MICAL1: variants seen among roughly 807,000 people sequenced by gnomAD.
MICAL1 encodes microtubule associated monooxygenase, calponin and LIM domain containing 1.
MICAL1 carries 95 observed loss-of-function variants against 131.8 expected under a neutral mutation model. The ratio of observed to expected loss-of-function variants is 0.72; its 90% CI spans 0.61 to 0.86. MICAL1 has a LOEUF of 0.86. Among genes scored for constraint, MICAL1 ranks in the 40% least tolerant of loss-of-function variants. The pLI, the probability that MICAL1 is intolerant of heterozygous loss-of-function variation, is 0.00. For missense variants in MICAL1, 1,292 were observed against 1,380.6 expected, an observed-to-expected ratio of 0.94 and a Z score of 1.02; for synonymous variants, 546 against 554.2, an observed-to-expected ratio of 0.99 and a Z score of 0.21.
chr6:109,458,971 T>C (rs9487113), upstream of MICAL1, among the ~76,000 whole-genome samples: 2,753 of 152,060 alleles, frequency 0.018, 94 homozygotes, highest in African/African-American at 0.064. Flanking sequence ...TTGATTGAGG[T>C]TAGAGGACAG....
Position 109,448,391 on chromosome 6 carries a change from T to C in MICAL1, c.1667A>G (p.Glu556Gly). Residue 556 changes from glutamate (E) to glycine (G), a missense_variant and splice_region_variant, in exon 13 of 25, where the codon GAA (glutamate) becomes GGA (glycine). Physicochemically the swap from Glu to Gly is moderately conservative, Grantham distance 98. Coordinates refer to ENST00000358807, the MANE Select transcript of MICAL1 (RefSeq NM_022765.4). ...LVYRLQPGLL[E>G]PSELQGLGAL... ...TCCCAGCCCCTGCAGCTCTGAGGGT[T>C]CCCTGTGGGATGTCAGGGAGAAAAG... is the stretch of plus-strand genomic sequence containing the variant. 4 of 1,613,238 alleles carry C rather than the reference T, an allele frequency of 2.5e-6. No homozygotes were observed. Among genetic ancestry groups the C allele is most frequent in the Non-Finnish European group, 3.4e-6 (4 of 1,179,988 alleles).
Position 109,455,677 on chromosome 6 carries a change from C to T in MICAL1, c.-44+42G>A. 1.0e-6 allele frequency: 1 copy of T among 984,942 alleles called. No homozygotes were observed. 61.0% of individuals were successfully genotyped at this position (984,942 alleles called of 1,614,324 possible). On this transcript the variant is annotated intron_variant, in intron 1 of 24. Transcript: ENST00000358807. This position sits in a 1 kb window ranked among gnomAD's most constrained non-coding sequence, Gnocchi z 4.7. ...CGGAAGCGCACCCCACCTCACCCCA[C>T]CCGGCCGCGGGGCTCGCAGCCGGCT... is the stretch of plus-strand genomic sequence containing the variant.
At chr6:109,459,999 G>T (rs990656677), upstream of MICAL1, among the ~76,000 whole-genome samples, 4 of 152,096 alleles carry the variant, frequency 2.6e-5, no homozygotes, top group African/African-American at 2.4e-5. Flanking sequence ...ACATATTATG[G>T]ATATTATGAA....
chr6:109,445,030 G>A, intron 22 of MICAL1, 35 bp from the exon 23 acceptor site: 1 of 1,607,650 alleles, frequency 6.2e-7, no homozygotes, highest in Non-Finnish European at 8.5e-7. Context: ...GTGATCAGGA[G>A]GCTTCCAGCC....
At chr6:109,444,596 T>A in intron 24 of MICAL1, 129 bp downstream of exon 24, 1 of 1,213,292 alleles carries the variant, frequency 8.2e-7, no homozygotes, top group Non-Finnish European at 1.2e-6. Context: ...CCCCCTCCTC[T>A]GGCTTCCTCC....
Position 109,446,189 on chromosome 6 carries a change from T to C in MICAL1, c.2528A>G (p.His843Arg), listed in dbSNP as rs1775206708. The C allele has an allele frequency of 6.3e-7, 1 of 1,587,752 alleles. No individual in the cohort carries two copies. Among genetic ancestry groups the C allele is most frequent in the African/African-American group, 1.4e-5 (1 of 73,572 alleles). The change falls in exon 19 of 25, where the codon CAC becomes CGC. Residue 843 changes from histidine (H) to arginine (R), a missense_variant. Coordinates refer to ENST00000358807, the MANE Select transcript of MICAL1 (RefSeq NM_022765.4). ...GCCCACAAAGCTGCTCTCCAGGGCG[T>C]GGCGGGCCAAGGCGGAGCAGCTGCG... ...PPRSCSALAR[H>R]ALESSFVGWG... is the part of the protein sequence containing the mutation.
At chr6:109,460,425 T>TAAA (rs941046868), upstream of MICAL1, among the ~76,000 whole-genome samples, 31 of 88,330 alleles carry the variant, frequency 3.5e-4, no homozygotes, top group African/African-American at 1.1e-3. Flanking sequence ...AGACCCTACG[T>TAAA]AAAAAAAAAA....
At chr6:109,465,628 T>C (rs1776015215) in intron 1 of MICAL1, 1 of 1,537,882 alleles carries the variant, frequency 6.5e-7, no homozygotes. Flanking sequence ...ATGAAAACCA[T>C]TCAATAATAT....
intron 1 of MICAL1, among the ~76,000 whole-genome samples, chr6:109,461,868 C>T (rs987980015): frequency 6.6e-6 from 1 of 152,152 alleles, no homozygotes; most frequent in Non-Finnish European, 1.5e-5. Flanking sequence ...CTACCACTTA[C>T]TGTATGACAT....
Position 109,447,711 on chromosome 6 carries a change from C to G in MICAL1, c.1956G>C (p.Glu652Asp). 2 of 1,614,110 alleles carry G rather than the reference C, an allele frequency of 1.2e-6. No homozygotes were observed. The highest frequency in any genetic ancestry group is 1.7e-6 in the Non-Finnish European group (2 of 1,179,996). The stretch of plus-strand genomic sequence containing the variant: ...AGCGCAGCTTCTTGCCACCAGCATC[C>G]TCTGCATTTTCCTGCAATAAGTCCT... ...LQRSRAKENA[E>D]DAGGKKLRLE... The change falls in exon 15 of 25, where the codon GAG (glutamate) becomes GAC (aspartate). Residue 652 changes from glutamate (E) to aspartate (D), a missense_variant. Transcript: ENST00000358807.
chr6:109,459,608 C>G (rs991482585), upstream of MICAL1, among the ~76,000 whole-genome samples: 23 of 152,094 alleles, frequency 1.5e-4, no homozygotes, highest in African/African-American at 5.3e-4. Context: ...TACTCAATAC[C>G]TTCCCCAGAA....
chr6:109,453,652 G>A lies in MICAL1; in HGVS notation c.452C>T (p.Thr151Ile), dbSNP rs887334917. 3 of 1,605,370 alleles carry A rather than the reference G, an allele frequency of 1.9e-6. No individual in the cohort carries two copies. Among genetic ancestry groups the A allele is most frequent in the African/African-American group, 2.7e-5 (2 of 74,744 alleles). The stretch of plus-strand genomic sequence containing the variant: ...GTGGTGCTCACTGATGTGGTCCAGG[G>A]TGCCGGTGCAGAAGCGCCCGTAGAA... Reference protein sequence around the residue: ...KKFYGRFCTGTLDHISIRQLQ... With the variant: ...KKFYGRFCTGILDHISIRQLQ... The change falls in exon 3 of 25, where the codon ACC (threonine) becomes ATC (isoleucine). Residue 151 changes from threonine to isoleucine, a missense_variant. Thr to Ile is a moderately conservative substitution (Grantham distance 89). Coordinates refer to ENST00000358807, the MANE Select transcript of MICAL1 (RefSeq NM_022765.4).
chr6:109,444,298 C>T lies in MICAL1; in HGVS notation c.3097G>A (p.Val1033Ile), dbSNP rs1474192429. ...TAADRQAEDQ[V>I]LRKLVDLVNQ... ...ACCAAATCCACCAGCTTCCTCAGGA[C>T]CTGGTCCTCAGCCTGCCGATCAGCA... Residue 1033 changes from valine to isoleucine, a missense_variant, in exon 25 of 25, where the codon GTC becomes ATC. Val to Ile is a conservative substitution (Grantham distance 29). Transcript: ENST00000358807. 3 of 1,613,386 alleles carry T rather than the reference C, an allele frequency of 1.9e-6. No individual in the cohort carries two copies. The highest frequency in any genetic ancestry group is 1.7e-6 in the Non-Finnish European group (2 of 1,180,046).
upstream of MICAL1, among the ~76,000 whole-genome samples, chr6:109,459,138 T>C (rs78715951): frequency 2.0e-5 from 3 of 152,160 alleles, no homozygotes; most frequent in Non-Finnish European, 2.9e-5. Context: ...CAAGAGGAAG[T>C]TGGAGATTTT....
At position 109,448,938 on chromosome 6, in the gene MICAL1, G is replaced by A. The variant is rs1465173503; in HGVS notation, c.1517-59C>T. 4 of 1,596,310 alleles carry A rather than the reference G, an allele frequency of 2.5e-6. No individual in the cohort carries two copies. In the East Asian group the frequency reaches 6.7e-5, roughly 27 times the overall value. Reference sequence around the variant, plus strand: ...CCTCTGCCCATCCCAGGCATATAGGGAGCCCAGCTGCTGCATGTGGGGGTT... The same window carrying A: ...CCTCTGCCCATCCCAGGCATATAGGAAGCCCAGCTGCTGCATGTGGGGGTT... On this transcript the variant is annotated intron_variant, in intron 11 of 24. Transcript: ENST00000358807.
upstream of MICAL1, among the ~76,000 whole-genome samples, chr6:109,460,437 A>AG (rs1400793669): frequency 6.6e-6 from 1 of 151,702 alleles, no homozygotes; most frequent in East Asian, 1.9e-4. Flanking sequence ...AAAAAAAAAA[A>AG]AAAAAAAGAA....
At position 109,452,290 on chromosome 6, in the gene MICAL1, C is replaced by G. The variant is rs1435469660; in HGVS notation, c.788G>C (p.Arg263Thr). Reference sequence around the variant, plus strand: ...CTGGAAGAAGCTCTGGTTGTAGATCCTGGCTACACCACTGATCTCCGGCAC... The same window carrying G: ...CTGGAAGAAGCTCTGGTTGTAGATCGTGGCTACACCACTGATCTCCGGCAC... ...TQVPEISGVARIYNQSFFQSL... is the reference protein window; with the variant it reads ...TQVPEISGVATIYNQSFFQSL... The change falls in exon 6 of 25, where the codon AGG becomes ACG. Residue 263 changes from arginine to threonine, a missense_variant. Arg to Thr is a moderately conservative substitution (Grantham distance 71). Coordinates refer to ENST00000358807, the MANE Select transcript of MICAL1 (RefSeq NM_022765.4). 1 of 1,613,980 alleles carries G rather than the reference C, an allele frequency of 6.2e-7. No homozygotes were observed. Among genetic ancestry groups the G allele is most frequent in the African/African-American group, 1.3e-5 (1 of 74,908 alleles).
intron 14 of MICAL1, 42 bp from the exon 15 acceptor site, chr6:109,447,764 T>C: frequency 6.2e-7 from 1 of 1,613,640 alleles, no homozygotes; most frequent in Non-Finnish European, 8.5e-7. Flanking sequence ...TGTTTTGAGG[T>C]CCCAGTCCTC....
rs1207470239 is a variant in MICAL1, at chr6:109,452,237, G to A, written c.832+9C>T. On this transcript the variant is annotated intron_variant, in intron 6 of 24. Transcript: ENST00000358807. ...GGGGGAGGGGAAATTCAGCAAGAGGGTCCCTGACCTGTGGCTTTGAGAAGG... is the reference window on the plus strand; with the variant it reads ...GGGGGAGGGGAAATTCAGCAAGAGGATCCCTGACCTGTGGCTTTGAGAAGG... The A allele has an allele frequency of 6.2e-7, 1 of 1,610,434 alleles. No homozygotes were observed. The highest frequency in any genetic ancestry group is 8.5e-7 in the Non-Finnish European group (1 of 1,177,888).
Sources: allele counts gnomAD v4.1 joint callset (sites outside exome capture counted in the v4.1 genomes callset), GRCh38; gene constraint gnomAD v4.1.1; non-coding constraint Gnocchi (gnomAD v3.1); transcripts MANE v1.5; gene names NCBI Gene and HGNC (gene_info 2026-07-23, HGNC 2026-07-21).